The following ZNF638 variants were observed in gnomAD, a reference collection of about 807,000 sequenced individuals.
ZNF638 encodes the protein zinc finger protein 638.
Under a neutral mutation model 195.6 loss-of-function variants are expected in ZNF638, and 46 were observed. The ratio of observed to expected loss-of-function variants is 0.24; its 90% CI spans 0.19 to 0.30. The LOEUF (loss-of-function observed/expected upper bound fraction) is 0.30, where lower values mean the gene tolerates loss of function less well. Among genes scored for constraint, ZNF638 ranks in the 10% least tolerant of loss-of-function variants. ZNF638 has a pLI of 1.00. For missense variants in ZNF638, 2,440 were observed against 2,325.3 expected, an observed-to-expected ratio of 1.05 and a Z score of -1.01; for synonymous variants, 845 against 772.0, an observed-to-expected ratio of 1.09 and a Z score of -1.57.
chr2:71,418,408 C>A (rs2080349747), intron 20 of ZNF638, 194 bp from the exon 21 acceptor site: 1 of 387,438 alleles, frequency 2.6e-6, no homozygotes, highest in Non-Finnish European at 4.6e-6. Context: ...TTGTGTGTGA[C>A]CTAATTTGGA....
chr2:71,408,414 CTAAA>C (rs1160199961), intron 20 of ZNF638, 167 bp downstream of exon 20: 5 of 871,072 alleles, frequency 5.7e-6, no homozygotes, highest in Non-Finnish European at 8.3e-6. Context: ...ATAAATTTGT[CTAAA>C]TGAGAATAAA....
intron 19 of ZNF638, among the ~76,000 whole-genome samples, 191 bp downstream of exon 19, chr2:71,406,453 G>T (rs1454595348): frequency 6.6e-6 from 1 of 152,044 alleles, no homozygotes; most frequent in African/African-American, 2.4e-5. Context: ...TCTTTTTTCA[G>T]AACTCCTAGT....
In ZNF638 at chr2:71,399,341, T is replaced by G. The variant is rs1196887414; in HGVS notation, c.2501-218T>G. The stretch of plus-strand genomic sequence containing the variant: ...GTCTGCCACATGAAGGTTAAACATG[T>G]GGCTCATTTGACGGCATCACCAAAA... On this transcript the variant is annotated intron_variant, in intron 12 of 27. Coordinates refer to ENST00000264447, the MANE Select transcript of ZNF638 (RefSeq NM_014497.5). 3.3e-5 allele frequency among the ~76,000 whole-genome samples: 5 copies of G among 152,224 alleles called. No homozygotes were observed. In the East Asian group the frequency reaches 9.6e-4, roughly 29 times the overall value.
intron 3 of ZNF638, among the ~76,000 whole-genome samples, chr2:71,359,613 A>G (rs2079076863): frequency 2.0e-5 from 3 of 152,220 alleles, no homozygotes. Flanking sequence ...CCCTCAATCT[A>G]GTCAAGTTGA....
intron 1 of ZNF638, among the ~76,000 whole-genome samples, chr2:71,343,775 TC>T (rs1303335603): frequency 6.6e-6 from 1 of 152,124 alleles, no homozygotes; most frequent in Non-Finnish European, 1.5e-5. Flanking sequence ...TGCTTTCTGC[TC>T]CCCTCTCCCC....
At chr2:71,425,610 G>A (rs569885050) in intron 23 of ZNF638, among the ~76,000 whole-genome samples, 1 of 152,194 alleles carries the variant, frequency 6.6e-6, no homozygotes, top group Non-Finnish European at 1.5e-5. Flanking sequence ...GTTAGTCATT[G>A]AGTCTTAGTA....
intron 10 of ZNF638, chr2:71,393,312 A>T: frequency 1.5e-6 from 1 of 659,124 alleles, no homozygotes; most frequent in South Asian, 1.7e-5. Context: ...TTATGGAAAG[A>T]TGTAAATAGT....
At chr2:71,365,847 GTA>G in intron 6 of ZNF638, 141 bp downstream of exon 6, 1 of 839,264 alleles carries the variant, frequency 1.2e-6, no homozygotes, top group Non-Finnish European at 1.8e-6. Flanking sequence ...ATCTTCCCAA[GTA>G]GCTGGCACCA....
intron 16 of ZNF638, 33 bp from the exon 17 acceptor site, chr2:71,403,837 T>G: frequency 6.9e-7 from 1 of 1,455,910 alleles, no homozygotes; most frequent in East Asian, 2.4e-5. Context: ...TAACATAAGA[T>G]TTTTCTTGTT....
At chr2:71,353,223 T>C (rs2078971096) in intron 2 of ZNF638, among the ~76,000 whole-genome samples, 1 of 152,236 alleles carries the variant, frequency 6.6e-6, no homozygotes, top group Non-Finnish European at 1.5e-5. Flanking sequence ...TGTGAAGATG[T>C]ACTTTGAGAA....
In ZNF638 at chr2:71,424,661, G is replaced by T. The variant is rs2080500808; in HGVS notation, c.4536G>T (p.Glu1512Asp). ...ATTTACTATTTCAGACTTTGGCTGA[G>T]CAAAACACTAAGAATCCTAAAAGCA... is the stretch of plus-strand genomic sequence containing the variant. ...RDDSNNKTLAEQNTKNPKSTT... is the reference protein window; with the variant it reads ...RDDSNNKTLADQNTKNPKSTT... The change falls in exon 23 of 28, where the codon GAG becomes GAT. Residue 1512 changes from glutamate (E) to aspartate (D), a missense_variant. Coordinates refer to ENST00000264447, the MANE Select transcript of ZNF638 (RefSeq NM_014497.5). 3 of 1,612,338 alleles carry T rather than the reference G, an allele frequency of 1.9e-6. No homozygotes were observed. In the South Asian group the frequency reaches 3.3e-5, roughly 18 times the overall value.
rs756584071 is a variant in ZNF638 at position 71,349,147 on chromosome 2, G to C, written c.193G>C (p.Gly65Arg). ...TGGCCATGAATCTTATCAGAACATG[G>C]GGCCACAGAGAATGAATGTTCAGGT... ...FAGHESYQNM[G>R]PQRMNVQVTQ... The change falls in exon 2 of 28, where the codon GGG becomes CGG. Residue 65 changes from glycine (G) to arginine (R), a missense_variant. This residue lies in a region of ZNF638 where 191 missense variants were observed against 173.8 expected (regional missense o/e 1.10). Coordinates refer to ENST00000264447, the MANE Select transcript of ZNF638 (RefSeq NM_014497.5). 1.2e-6 allele frequency: 2 copies of C among 1,614,004 alleles called. No individual in the cohort carries two copies. The highest frequency in any genetic ancestry group is 8.5e-7 in the Non-Finnish European group (1 of 1,180,046).
At chr2:71,384,335 A>T (rs1282429331) in intron 10 of ZNF638, among the ~76,000 whole-genome samples, 1 of 152,170 alleles carries the variant, frequency 6.6e-6, no homozygotes, top group Non-Finnish European at 1.5e-5. Context: ...TGATCATTCT[A>T]CTTCTAGCAA....
chr2:71,426,660 T>G lies in ZNF638; in HGVS notation c.4791T>G (p.Ser1597=), dbSNP rs999936038. Residue 1597 remains serine (S), a synonymous_variant, in exon 24 of 28, where the codon TCT becomes TCG. Transcript: ENST00000264447. The part of the protein sequence containing the change: ...STPRGVEGEL[S]FVTLDEIGEE... ...CTCGTGGTGTTGAGGGAGAACTATC[T>G]TTTGTGACATTGGATGAGATTGGGG... The G allele has an allele frequency of 1.2e-6, 2 of 1,614,210 alleles. No homozygotes were observed. The highest frequency in any genetic ancestry group is 1.7e-6 in the Non-Finnish European group (2 of 1,180,030).
chr2:71,373,632 A>G (rs964937203), intron 8 of ZNF638, among the ~76,000 whole-genome samples: 7 of 149,950 alleles, frequency 4.7e-5, no homozygotes, highest in Non-Finnish European at 1.0e-4. Flanking sequence ...GTTAGCCAGG[A>G]TGGTCTTGAT....
chr2:71,352,819 C>T (rs186227349), intron 2 of ZNF638, among the ~76,000 whole-genome samples: 1 of 151,986 alleles, frequency 6.6e-6, no homozygotes, highest in East Asian at 1.9e-4. Context: ...TTTAATTGTT[C>T]AAGTATAAGA....
At chr2:71,341,354 A>G (rs1216588288) in intron 1 of ZNF638, among the ~76,000 whole-genome samples, 3 of 152,230 alleles carry the variant, frequency 2.0e-5, no homozygotes, top group African/African-American at 4.8e-5. Flanking sequence ...TTTTGTCACT[A>G]TTAAGTATCC....
At chr2:71,421,366 A>T (rs397750473) in intron 21 of ZNF638, among the ~76,000 whole-genome samples, 35 of 111,238 alleles carry the variant, frequency 3.1e-4, no homozygotes, top group Admixed American at 2.0e-3. Context: ...TGATTATTTT[A>T]AAAAAAAAAC....
chr2:71,412,731 G>C (rs1332370098), intron 20 of ZNF638, among the ~76,000 whole-genome samples: 14 of 72,344 alleles, frequency 1.9e-4, no homozygotes, highest in Admixed American at 1.9e-3. Flanking sequence ...TATTAAATAG[G>C]GAATCCTTTC....
Sources: gnomAD v4.1 joint callset for allele counts (sites outside exome capture counted in the v4.1 genomes callset) on GRCh38, gnomAD v4.1.1 for gene constraint, gnomAD v4.1.1 regional missense constraint, MANE v1.5 for transcripts, NCBI Gene and HGNC (gene_info 2026-07-23, HGNC 2026-07-21) for gene names.